The following RLF variants were observed in gnomAD, a reference collection of about 807,000 sequenced individuals.
RLF encodes the protein RLF zinc finger.
RLF carries 7 observed loss-of-function variants against 162.9 expected under a neutral mutation model. The ratio of observed to expected loss-of-function variants is 0.04; its 90% CI spans 0.02 to 0.08. RLF has a LOEUF of 0.08. RLF is among the 10% of genes least tolerant of loss of function. RLF has a pLI of 1.00. For synonymous variants in RLF, 782 were observed against 791.5 expected, an observed-to-expected ratio of 0.99 and a Z score of 0.20; for missense variants, 1,664 against 2,244.7, an observed-to-expected ratio of 0.74 and a Z score of 5.23.
At chr1:40,224,446 T>G (rs963183346) in intron 6 of RLF, among the ~76,000 whole-genome samples, 1 of 151,014 alleles carries the variant, frequency 6.6e-6, no homozygotes, top group African/African-American at 2.4e-5. Flanking sequence ...CCGACTAATT[T>G]TTGTATTTTT....
At chr1:40,172,075 C>A (rs997630572) in intron 1 of RLF, among the ~76,000 whole-genome samples, 2 of 151,992 alleles carry the variant, frequency 1.3e-5, no homozygotes, top group African/African-American at 4.8e-5. Context: ...GAAATAAATG[C>A]ATGGTATTCC....
intron 2 of RLF, 72 bp downstream of exon 2, chr1:40,189,281 A>G (rs1642525753): frequency 4.0e-6 from 5 of 1,255,174 alleles, no homozygotes; most frequent in South Asian, 1.3e-5. Context: ...GTTTCTCTTT[A>G]CAGTGGCATC....
chr1:40,225,606 G>T (rs1449865130), intron 6 of RLF, among the ~76,000 whole-genome samples: 1 of 144,924 alleles, frequency 6.9e-6, no homozygotes, highest in East Asian at 2.0e-4. Context: ...GCCGGGCGCG[G>T]TGGCTCATGC....
At chr1:40,172,243 C>T (rs1570514742) in intron 1 of RLF, among the ~76,000 whole-genome samples, 1 of 152,198 alleles carries the variant, frequency 6.6e-6, no homozygotes, top group Non-Finnish European at 1.5e-5. Flanking sequence ...CTTCTGCCCT[C>T]AATCTTTCCA....
chr1:40,173,062 G>A (rs1257497762), intron 1 of RLF, among the ~76,000 whole-genome samples: 1 of 141,520 alleles, frequency 7.1e-6, no homozygotes, highest in East Asian at 2.0e-4. Context: ...TTGCATTTTA[G>A]TAACATTCAG....
chr1:40,197,490 A>C (rs1227723211), intron 4 of RLF, among the ~76,000 whole-genome samples: 1 of 152,200 alleles, frequency 6.6e-6, no homozygotes, highest in East Asian at 1.9e-4. Flanking sequence ...GCCCAAGAGG[A>C]AAAAAGGGTG....
chr1:40,217,761 T>A (rs1177257871), intron 5 of RLF, among the ~76,000 whole-genome samples: 1 of 151,768 alleles, frequency 6.6e-6, no homozygotes, highest in Non-Finnish European at 1.5e-5. Flanking sequence ...AACAGAGCAA[T>A]CCGTCTCAAA....
intron 1 of RLF, among the ~76,000 whole-genome samples, chr1:40,178,300 A>G (rs1570520151): frequency 6.6e-6 from 1 of 151,930 alleles, no homozygotes; most frequent in South Asian, 2.1e-4. Context: ...CCAATACCAC[A>G]CTCTTATGTT....
rs1377051299 is a variant in RLF, at chr1:40,237,935, A to G, written c.3233A>G (p.His1078Arg). The change falls in exon 8 of 8, where the codon CAT becomes CGT. Residue 1078 changes from histidine (H) to arginine (R), a missense_variant. This residue lies in a region of RLF where 295 missense variants were observed against 317.4 expected (regional missense o/e 0.93). Transcript: ENST00000372771. The surrounding 1 kb of genome is among the most constrained non-coding windows in gnomAD (Gnocchi z 4.4). The stretch of plus-strand genomic sequence containing the variant: ...TTAAGCTTGAAAAACTCAATAACAC[A>G]TGGATCTTTCTCAGGGTCATTGCAG... ...KHLSLKNSIT[H>R]GSFSGSLQGY... 6.8e-6 allele frequency: 11 copies of G among 1,613,998 alleles called. No homozygotes were observed. In the East Asian group the frequency reaches 1.1e-4, roughly 16 times the overall value.
In RLF at chr1:40,239,036, A is replaced by G. The variant is rs763078593; in HGVS notation, c.4334A>G (p.His1445Arg). ...GAAATACATTCAGATTATGAAATTC[A>G]TTGTGATCTTAATGGCTGTGGCCAG... ...EGEIHSDYEIHCDLNGCGQIF... is the reference protein window; with the variant it reads ...EGEIHSDYEIRCDLNGCGQIF... Residue 1445 changes from histidine to arginine, a missense_variant, in exon 8 of 8, where the codon CAT (histidine) becomes CGT (arginine). Physicochemically the swap from His to Arg is conservative, Grantham distance 29. Around this residue, in one of 15 missense-constraint regions of RLF, gnomAD observed 200 missense variants for 207.3 expected, o/e 0.96. Transcript: ENST00000372771. The G allele has an allele frequency of 1.2e-6, 2 of 1,614,114 alleles. No homozygotes were observed. Among genetic ancestry groups the G allele is most frequent in the African/African-American group, 1.3e-5 (1 of 74,958 alleles).
At chr1:40,193,216 A>G (rs1353011510) in intron 3 of RLF, among the ~76,000 whole-genome samples, 3 of 152,134 alleles carry the variant, frequency 2.0e-5, no homozygotes, top group Non-Finnish European at 4.4e-5. Flanking sequence ...CACCTTAAAA[A>G]GAAACAAATT....
At chr1:40,173,395 A>G (rs1642274005) in intron 1 of RLF, among the ~76,000 whole-genome samples, 1 of 151,768 alleles carries the variant, frequency 6.6e-6, no homozygotes, top group African/African-American at 2.4e-5. Flanking sequence ...GTATTTTTAT[A>G]TGTATCAGAC....
chr1:40,222,853 T>A (rs977138041), intron 6 of RLF, 143 bp downstream of exon 6: 37 of 650,262 alleles, frequency 5.7e-5, no homozygotes, highest in Non-Finnish European at 8.1e-5. Flanking sequence ...ATCATTTAAT[T>A]AAAAATATCA....
At chr1:40,162,199 C>G (rs1366236364) in intron 1 of RLF, among the ~76,000 whole-genome samples, 1 of 143,242 alleles carries the variant, frequency 7.0e-6, no homozygotes, top group South Asian at 2.3e-4. Flanking sequence ...TTTTTTTTTA[C>G]GTTTAAGCCG....
intron 6 of RLF, among the ~76,000 whole-genome samples, chr1:40,227,516 C>T (rs749841024): frequency 1.3e-5 from 2 of 152,070 alleles, no homozygotes; most frequent in African/African-American, 2.4e-5. Context: ...TACTGGCTGT[C>T]GTGGTTTCAG....
chr1:40,210,612 G>A (rs940778529), intron 5 of RLF, among the ~76,000 whole-genome samples: 2 of 152,196 alleles, frequency 1.3e-5, no homozygotes, highest in South Asian at 4.1e-4. Context: ...GAAGTGACAT[G>A]TCTGAAGTGG....
chr1:40,222,995 T>A (rs1643018240), intron 6 of RLF, among the ~76,000 whole-genome samples: 1 of 150,508 alleles, frequency 6.6e-6, no homozygotes. Flanking sequence ...CCTGTGTTAG[T>A]TAGATTGTTT....
intron 3 of RLF, among the ~76,000 whole-genome samples, chr1:40,195,321 C>T (rs1027233337): frequency 2.6e-5 from 4 of 151,770 alleles, no homozygotes; most frequent in Non-Finnish European, 2.9e-5. Context: ...CGGTGACAGA[C>T]GCCTGTAATT....
rs575158095 is a variant in RLF, at chr1:40,214,802, A to G, written c.811-7772A>G. Among the ~76,000 whole-genome samples the G allele has an allele frequency of 4.2e-3, 635 of 150,458 alleles. 7 individuals are homozygous for G. Among genetic ancestry groups the G allele is most frequent in the African/African-American group, 0.015 (619 of 40,992 alleles). On this transcript the variant is annotated intron_variant, in intron 5 of 7. Transcript: ENST00000372771. ...GCTGGGTGTGGTAGTGTGCACCTGT[A>G]GTCCCAGCTATTCATGAGACTGAGG...
Sources: gnomAD v4.1 joint callset for allele counts (sites outside exome capture counted in the v4.1 genomes callset) on GRCh38, gnomAD v4.1.1 for gene constraint, gnomAD v4.1.1 regional missense constraint, Gnocchi (gnomAD v3.1) non-coding constraint, MANE v1.5 for transcripts, NCBI Gene and HGNC (gene_info 2026-07-23, HGNC 2026-07-21) for gene names.